Variants in HEMK2 observed in about 807,000 individuals in gnomAD.
HEMK2 encodes the protein methyltransferase HEMK2.
chr21:28,671,512 T>C, the HEMK2 span, among the ~76,000 whole-genome samples: 46 of 152,324 alleles, frequency 3.0e-4, no homozygotes, highest in African/African-American at 1.1e-3. Context: ...TCATTTGACA[T>C]GAAATCAAAC....
chr21:28,629,325 T>G, the HEMK2 span, among the ~76,000 whole-genome samples: 1 of 152,246 alleles, frequency 6.6e-6, no homozygotes, highest in Non-Finnish European at 1.5e-5. Flanking sequence ...GAGACAGTGC[T>G]GTGGTGTTGT....
the HEMK2 span, among the ~76,000 whole-genome samples, chr21:28,833,840 A>G: frequency 4.6e-5 from 7 of 152,202 alleles, no homozygotes; most frequent in African/African-American, 7.2e-5. Context: ...AAATGGGTAT[A>G]GCAACGATAT....
At chr21:28,632,132 A>C in the HEMK2 span, among the ~76,000 whole-genome samples, 1 of 152,330 alleles carries the variant, frequency 6.6e-6, no homozygotes, top group Non-Finnish European at 1.5e-5. Context: ...GTTGAATAAG[A>C]CTCATGAATT....
the HEMK2 span, among the ~76,000 whole-genome samples, chr21:28,862,496 T>G: frequency 0.82 from 118,351 of 143,812 alleles, 51,036 homozygotes; most frequent in South Asian, 0.92. Flanking sequence ...AAAATTAGCC[T>G]GGCGCGGTGG....
chr21:28,673,954 G>A, the HEMK2 span, among the ~76,000 whole-genome samples: 2 of 152,186 alleles, frequency 1.3e-5, no homozygotes, highest in African/African-American at 4.8e-5. Flanking sequence ...AATAGAAGCT[G>A]GGTAAAATGA....
the HEMK2 span, among the ~76,000 whole-genome samples, chr21:28,876,990 AG>A: frequency 1.6e-5 from 1 of 64,002 alleles, no homozygotes; most frequent in African/African-American, 8.0e-5. Flanking sequence ...CAATGGAGGG[AG>A]GGAGGGAGGG....
the HEMK2 span, among the ~76,000 whole-genome samples, chr21:28,833,367 T>C: frequency 6.6e-6 from 1 of 152,222 alleles, no homozygotes; most frequent in African/African-American, 2.4e-5. Flanking sequence ...ACATCACATC[T>C]TTACATTCCT....
the HEMK2 span, among the ~76,000 whole-genome samples, chr21:28,726,244 G>C: frequency 6.6e-6 from 1 of 152,052 alleles, no homozygotes; most frequent in Non-Finnish European, 1.5e-5. Flanking sequence ...AGTTTTATTT[G>C]GGGAATTACC....
At chr21:28,849,186 G>A in the HEMK2 span, among the ~76,000 whole-genome samples, 3 of 152,064 alleles carry the variant, frequency 2.0e-5, no homozygotes, top group Non-Finnish European at 1.5e-5. Context: ...CAAAAGCCAG[G>A]GGCCCAGTAC....
the HEMK2 span, among the ~76,000 whole-genome samples, chr21:28,623,495 A>G: frequency 1.6e-4 from 24 of 152,352 alleles, no homozygotes; most frequent in African/African-American, 5.1e-4. Flanking sequence ...TGTATACCCA[A>G]AGGATTGCAA....
At chr21:28,872,543 C>CT in the HEMK2 span, 1 of 152,242 alleles carries the variant, frequency 6.6e-6, no homozygotes, top group African/African-American at 2.4e-5. Context: ...TCACCTTTCT[C>CT]TTTCATAGCT....
the HEMK2 span, chr21:28,878,479 T>G: frequency 1.3e-6 from 1 of 786,442 alleles, no homozygotes; most frequent in Middle Eastern, 2.8e-4. Context: ...GAATCTAAGT[T>G]TCATCATTTT....
At chr21:28,771,525 C>G in the HEMK2 span, among the ~76,000 whole-genome samples, 13 of 143,294 alleles carry the variant, frequency 9.1e-5, no homozygotes, top group Non-Finnish European at 1.9e-4. Flanking sequence ...ACCACCCCCC[C>G]CCGCCAAAGA....
chr21:28,692,238 ATTACTC>A, the HEMK2 span, among the ~76,000 whole-genome samples: 1 of 152,164 alleles, frequency 6.6e-6, no homozygotes, highest in African/African-American at 2.4e-5. Context: ...GCAAGAGACT[ATTACTC>A]TTACTAGTCT....
At chr21:28,825,659 A>T in the HEMK2 span, among the ~76,000 whole-genome samples, 1 of 152,340 alleles carries the variant, frequency 6.6e-6, no homozygotes, top group East Asian at 1.9e-4. Context: ...ACAAGGCAAA[A>T]TTCAATGCGT....
chr21:28,641,884 G>A, the HEMK2 span, among the ~76,000 whole-genome samples: 1 of 152,180 alleles, frequency 6.6e-6, no homozygotes, highest in Non-Finnish European at 1.5e-5. Flanking sequence ...TTGGCTGTCA[G>A]GCCAAGCTTA....
At chr21:28,714,786 C>A in the HEMK2 span, among the ~76,000 whole-genome samples, 1 of 151,916 alleles carries the variant, frequency 6.6e-6, no homozygotes, top group Non-Finnish European at 1.5e-5. Flanking sequence ...GTTTCTAAAC[C>A]CTTGCTCTCT....
At chr21:28,676,590 A>G in the HEMK2 span, among the ~76,000 whole-genome samples, 1 of 152,130 alleles carries the variant, frequency 6.6e-6, no homozygotes, top group Non-Finnish European at 1.5e-5. Context: ...TGGCCTGCAC[A>G]CTGGGAGGAG....
chr21:28,760,832 T>TCTGTTTCA, the HEMK2 span, among the ~76,000 whole-genome samples: 1 of 152,188 alleles, frequency 6.6e-6, no homozygotes, highest in African/African-American at 2.4e-5. Flanking sequence ...TGGTCTTCAT[T>TCTGTTTCA]CTGTTTCACA....
Sources: gnomAD v4.1 joint callset for allele counts (sites outside exome capture counted in the v4.1 genomes callset) on GRCh38, gnomAD v4.1.1 for gene constraint, MANE v1.5 for transcripts, NCBI Gene and HGNC (gene_info 2026-07-23, HGNC 2026-07-21) for gene names.